Variants in AP1G2 observed in about 807,000 individuals in gnomAD.
The protein encoded by AP1G2 is adaptor related protein complex 1 subunit gamma 2.
A neutral mutation model predicts 95.8 loss-of-function variants in AP1G2; 85 were observed. That is an observed-to-expected ratio of 0.89 (90% CI 0.74 to 1.06). AP1G2 has a LOEUF of 1.06. AP1G2 is among the 50% of genes least tolerant of loss of function. AP1G2 has a pLI of 0.00. For missense variants in AP1G2, 967 were observed against 1,005.8 expected, an observed-to-expected ratio of 0.96 and a Z score of 0.52; for synonymous variants, 378 against 400.0, an observed-to-expected ratio of 0.94 and a Z score of 0.66.
chr14:23,562,766 GAGAA>G (rs201979787), intron 14 of AP1G2, 173 bp from the exon 15 acceptor site: 25 of 636,344 alleles, frequency 3.9e-5, no homozygotes, highest in Non-Finnish European at 4.9e-5. Flanking sequence ...AAGAGAGAGA[GAGAA>G]AGAAAGAAAC....
At chr14:23,564,827 G>A (rs1886981783) in intron 8 of AP1G2, 167 bp from the exon 9 acceptor site, 8 of 659,462 alleles carry the variant, frequency 1.2e-5, no homozygotes, top group Middle Eastern at 4.1e-4. Context: ...ACAGGCACAT[G>A]CCAACAAGCC....
Position 23,567,369 on chromosome 14 carries a change from G to A in AP1G2, c.-5-50C>T, listed in dbSNP as rs946632740. The stretch of plus-strand genomic sequence containing the variant: ...ACACTCTCTGGTCGGGCGTGCCTGG[G>A]CTTTCGGCCCAGGCCCGTCCTGTGT... On this transcript the variant is annotated intron_variant, in intron 1 of 21. Transcript: ENST00000397120. The surrounding 1 kb of genome is among the most constrained non-coding windows in gnomAD (Gnocchi z 5.3). 5.7e-6 allele frequency: 9 copies of A among 1,567,634 alleles called. No individual in the cohort carries two copies. Among genetic ancestry groups the A allele is most frequent in the African/African-American group, 5.5e-5 (4 of 73,110 alleles).
At position 23,564,319 on chromosome 14, in the gene AP1G2, G is replaced by C. The variant is rs781667459; in HGVS notation, c.977+14C>G. On this transcript the variant is annotated intron_variant, in intron 10 of 21. Coordinates refer to ENST00000397120, the MANE Select transcript of AP1G2 (RefSeq NM_003917.5). ...ATCAGTGGCACAGCCTAGGTAGACAGTTGGGACTATTACCTAATGTTCCTG... is the reference window on the plus strand; with the variant it reads ...ATCAGTGGCACAGCCTAGGTAGACACTTGGGACTATTACCTAATGTTCCTG... 2.5e-6 allele frequency: 4 copies of C among 1,614,076 alleles called. No homozygotes were observed. The highest frequency in any genetic ancestry group is 3.4e-6 in the Non-Finnish European group (4 of 1,179,898).
At chr14:23,562,137 A>G in intron 16 of AP1G2, 71 bp from the exon 17 acceptor site, 1 of 1,598,614 alleles carries the variant, frequency 6.3e-7, no homozygotes, top group Non-Finnish European at 8.5e-7. Flanking sequence ...GGAAAGGCCC[A>G]CGGAGCAGGG....
rs548553037 is a variant in AP1G2, at chr14:23,566,544, T to C, written c.329+18A>G. 1.2e-6 allele frequency: 2 copies of C among 1,613,466 alleles called. No individual in the cohort carries two copies. Among genetic ancestry groups the C allele is most frequent in the East Asian group, 2.2e-5 (1 of 44,868 alleles). ...CTCCCATCTCCCTGATTCCAAGTGA[T>C]TGCCAGAACCCTCTCACTTCTTGAT... On this transcript the variant is annotated intron_variant, in intron 3 of 21. Coordinates refer to ENST00000397120, the MANE Select transcript of AP1G2 (RefSeq NM_003917.5).
At position 23,559,833 on chromosome 14, in the gene AP1G2, C is replaced by T; in HGVS notation, c.2274G>A (p.Lys758=). 1 of 1,614,106 alleles carries T rather than the reference C, an allele frequency of 6.2e-7. No homozygotes were observed. Among genetic ancestry groups the T allele is most frequent in the Non-Finnish European group, 8.5e-7 (1 of 1,180,028 alleles). Residue 758 remains lysine (K), a synonymous_variant, in exon 22 of 22, where the codon AAG becomes AAA. Coordinates refer to ENST00000397120, the MANE Select transcript of AP1G2 (RefSeq NM_003917.5). The part of the protein sequence containing the change: ...LNPNKAPLRL[K]LRLTYDHFHQ... ...GAAAGTGGTCGTAGGTGAGGCGCAGCTTTAGCCGCAGGGGGGCCTAGGAAT... is the reference window on the plus strand; with the variant it reads ...GAAAGTGGTCGTAGGTGAGGCGCAGTTTTAGCCGCAGGGGGGCCTAGGAAT...
rs754505067 is a variant in AP1G2 at position 23,562,542 on chromosome 14, G to A, written c.1462C>T (p.Leu488=). ...AWCIGEYGDL[L]LAGNCEEIEP... Reference sequence around the variant, plus strand: ...ATCTCCTCGCAGTTCCCTGCCAGCAGGAGGTCCCCATACTCCCCAATGCAC... The same window carrying A: ...ATCTCCTCGCAGTTCCCTGCCAGCAAGAGGTCCCCATACTCCCCAATGCAC... Residue 488 remains leucine (L), a synonymous_variant, in exon 15 of 22, where the codon CTG becomes TTG. Coordinates refer to ENST00000397120, the MANE Select transcript of AP1G2 (RefSeq NM_003917.5). 6.2e-7 allele frequency: 1 copy of A among 1,614,078 alleles called. No homozygotes were observed. Among genetic ancestry groups the A allele is most frequent in the Non-Finnish European group, 8.5e-7 (1 of 1,180,046 alleles).
At chr14:23,562,642 C>A in intron 14 of AP1G2, 49 bp from the exon 15 acceptor site, 1 of 1,581,156 alleles carries the variant, frequency 6.3e-7, no homozygotes, top group Non-Finnish European at 8.6e-7. Flanking sequence ...GTGGCTCAAG[C>A]CTGTAATCCC....
rs1888648483 is a variant in AP1G2, at chr14:23,567,496, G to A, written c.-5-177C>T. 7.2e-7 allele frequency: 1 copy of A among 1,387,256 alleles called. No individual in the cohort carries two copies. The highest frequency in any genetic ancestry group is 9.3e-7 in the Non-Finnish European group (1 of 1,078,770). The allele number at this position is 1,387,256 out of a possible 1,614,324, so 85.9% of individuals were successfully genotyped here. ...AAATTCCGCGCCCACCCCACCGCCC[G>A]AGAAGCCCACTACGCATGCGTCCGC... is the stretch of plus-strand genomic sequence containing the variant. On this transcript the variant is annotated intron_variant, in intron 1 of 21. Coordinates refer to ENST00000397120, the MANE Select transcript of AP1G2 (RefSeq NM_003917.5). This position sits in a 1 kb window ranked among gnomAD's most constrained non-coding sequence, Gnocchi z 5.3.
intron 19 of AP1G2, 74 bp from the exon 20 acceptor site, chr14:23,560,492 T>C (rs1883726720): frequency 6.8e-7 from 1 of 1,480,680 alleles, no homozygotes; most frequent in Non-Finnish European, 9.2e-7. Context: ...TCAACAAAAA[T>C]TGAGTAAACA....
In AP1G2 at chr14:23,564,202, C is replaced by T. The variant is rs572891601; in HGVS notation, c.978-43G>A. 10 of 1,611,394 alleles carry T rather than the reference C, an allele frequency of 6.2e-6. No homozygotes were observed. In the South Asian group the frequency reaches 7.7e-5, roughly 12 times the overall value. ...GGTTCTATCATACCATGGCCATCAGCCCCCACTCCCCGTCCTGTCCTGGGT... is the reference window on the plus strand; with the variant it reads ...GGTTCTATCATACCATGGCCATCAGTCCCCACTCCCCGTCCTGTCCTGGGT... On this transcript the variant is annotated intron_variant, in intron 10 of 21. Coordinates refer to ENST00000397120, the MANE Select transcript of AP1G2 (RefSeq NM_003917.5).
chr14:23,562,192 G>T (rs1885183999), intron 16 of AP1G2, 96 bp downstream of exon 16: 4 of 1,593,600 alleles, frequency 2.5e-6, no homozygotes, highest in Non-Finnish European at 3.4e-6. Flanking sequence ...AGGGCTAGGG[G>T]GTAGGGAGGG....
Position 23,559,712 on chromosome 14 carries a change from G to T in AP1G2, c.*37C>A. On this transcript the variant is annotated 3_prime_UTR_variant, in exon 22 of 22. Transcript: ENST00000397120. Reference sequence around the variant, plus strand: ...AAGCTGCTGGGGCCCCCTGGGGTTTGGGACACAGGAGAATTTCAGGCTGTG... The same window carrying T: ...AAGCTGCTGGGGCCCCCTGGGGTTTTGGACACAGGAGAATTTCAGGCTGTG... The T allele has an allele frequency of 6.2e-7, 1 of 1,603,268 alleles. No individual in the cohort carries two copies. The highest frequency in any genetic ancestry group is 1.1e-5 in the South Asian group (1 of 90,198).
Position 23,565,822 on chromosome 14 carries a change from G to A in AP1G2, c.639C>T (p.Phe213=), listed in dbSNP as rs940284221. The A allele has an allele frequency of 1.3e-6, 2 of 1,581,234 alleles. No individual in the cohort carries two copies. Among genetic ancestry groups the A allele is most frequent in the Non-Finnish European group, 1.7e-6 (2 of 1,163,246 alleles). Residue 213 remains phenylalanine, a synonymous_variant, in exon 6 of 22, where the codon TTC becomes TTT. Transcript: ENST00000397120. Reference sequence around the variant, plus strand: ...TGCCCCTTCACCAGCCCACCTTTCGGAAGTGCCTGAGGGCTGCAGGGCTTC... The same window carrying A: ...TGCCCCTTCACCAGCCCACCTTTCGAAAGTGCCTGAGGGCTGCAGGGCTTC... ...CERSPAALRH[F]RKVVPQLVHI...
Position 23,567,692 on chromosome 14 carries a change from G to GT in AP1G2, c.-6+46_-6+47insA. 2 of 1,037,276 alleles carry GT rather than the reference G, an allele frequency of 1.9e-6. No homozygotes were observed. Among genetic ancestry groups the GT allele is most frequent in the Non-Finnish European group, 2.3e-6 (2 of 862,504 alleles). 64.3% of individuals were successfully genotyped at this position (1,037,276 alleles called of 1,614,324 possible). On this transcript the variant is annotated intron_variant, in intron 1 of 21. Coordinates refer to ENST00000397120, the MANE Select transcript of AP1G2 (RefSeq NM_003917.5). This position sits in a 1 kb window ranked among gnomAD's most constrained non-coding sequence, Gnocchi z 5.3. Reference sequence around the variant, plus strand: ...CCTCCCCCGATTTCCATCTCAGGCAGCGGCAGCGGCAGCGACAGCCTGCCT... The same window carrying GT: ...CCTCCCCCGATTTCCATCTCAGGCAGTCGGCAGCGGCAGCGACAGCCTGCCT...
rs1210410942 is a variant in AP1G2 at position 23,567,375 on chromosome 14, G to C, written c.-5-56C>G. On this transcript the variant is annotated intron_variant, in intron 1 of 21. Transcript: ENST00000397120. This position sits in a 1 kb window ranked among gnomAD's most constrained non-coding sequence, Gnocchi z 5.3. ...TCTGGTCGGGCGTGCCTGGGCTTTC[G>C]GCCCAGGCCCGTCCTGTGTCAAGAC... is the stretch of plus-strand genomic sequence containing the variant. The C allele has an allele frequency of 2.6e-6, 4 of 1,544,572 alleles. No individual in the cohort carries two copies. In the African/African-American group the frequency reaches 4.2e-5, roughly 16 times the overall value.
At chr14:23,560,226 G>A (rs553322737) in intron 20 of AP1G2, 29 bp downstream of exon 20, 2 of 1,610,482 alleles carry the variant, frequency 1.2e-6, no homozygotes, top group African/African-American at 2.7e-5. Context: ...GAGTCCCCAG[G>A]CCACCTCTGA....
intron 14 of AP1G2, 68 bp from the exon 15 acceptor site, chr14:23,562,661 G>A: frequency 6.6e-7 from 1 of 1,511,102 alleles, no homozygotes; most frequent in South Asian, 1.2e-5. Context: ...CCAGCGCATT[G>A]GGAGGCTGAG....
At chr14:23,566,465 G>A (rs760617577) in intron 3 of AP1G2, 46 bp from the exon 4 acceptor site, 4 of 1,607,746 alleles carry the variant, frequency 2.5e-6, no homozygotes, top group East Asian at 2.2e-5. Flanking sequence ...GAGAAAATCA[G>A]TCCTTTTCAA....
Sources: gnomAD v4.1 joint callset for allele counts on GRCh38, gnomAD v4.1.1 for gene constraint, Gnocchi (gnomAD v3.1) non-coding constraint, MANE v1.5 for transcripts, NCBI Gene and HGNC (gene_info 2026-07-23, HGNC 2026-07-21) for gene names.